The following KIAA0825 variants were observed in gnomAD, a reference collection of about 807,000 sequenced individuals.
KIAA0825 encodes the protein KIAA0825.
Under a neutral mutation model 147.6 loss-of-function variants are expected in KIAA0825, and 119 were observed. That is an observed-to-expected ratio of 0.81 (90% confidence interval 0.69 to 0.94). The LOEUF (loss-of-function observed/expected upper bound fraction) is 0.94. KIAA0825 is among the 40% of genes least tolerant of loss of function. The probability of loss-of-function intolerance (pLI) is 0.00; values close to 1 mark genes in which losing one functional copy is unlikely to be tolerated. For synonymous variants in KIAA0825, 470 were observed against 518.1 expected (o/e 0.91, Z 1.26); for missense variants, 1,381 against 1,472.7 (o/e 0.94, Z 1.02).
At chr5:94,419,508 A>G (rs1340230922) in intron 14 of KIAA0825, among the ~76,000 whole-genome samples, 2 of 152,116 alleles carry the variant, frequency 1.3e-5, no homozygotes, top group Non-Finnish European at 2.9e-5. Flanking sequence ...CATCTGTTCT[A>G]CCCAGTAGAG....
chr5:94,465,225 A>C (rs1019518091), intron 10 of KIAA0825, among the ~76,000 whole-genome samples, 166 bp from the exon 11 acceptor site: 5 of 152,230 alleles, frequency 3.3e-5, no homozygotes, highest in Non-Finnish European at 5.9e-5. Context: ...CTTATTGACA[A>C]AGGAACAGAT....
At chr5:94,353,456 T>C (rs1164364580) in intron 20 of KIAA0825, among the ~76,000 whole-genome samples, 2 of 152,186 alleles carry the variant, frequency 1.3e-5, no homozygotes, top group African/African-American at 4.8e-5. Context: ...TAGATGTATT[T>C]AAATGCAGGT....
At chr5:94,526,505 C>T (rs1171897970) in intron 3 of KIAA0825, among the ~76,000 whole-genome samples, 1 of 151,886 alleles carries the variant, frequency 6.6e-6, no homozygotes, top group Admixed American at 6.6e-5. Context: ...CCCAATGTGC[C>T]TTAATTATAA....
At chr5:94,564,537 AGTGTGTGTGTGTGT>A (rs56256662) in intron 2 of KIAA0825, among the ~76,000 whole-genome samples, 9,888 of 32,748 alleles carry the variant, frequency 0.3, 2,082 homozygotes, top group South Asian at 0.41. Flanking sequence ...CTTATTTTTG[AGTGTGTGTGTGTGT>A]GTGTGTGTGT....
intron 5 of KIAA0825, chr5:94,519,687 T>C (rs1584759186): frequency 4.2e-6 from 3 of 716,422 alleles, no homozygotes; most frequent in Non-Finnish European, 3.4e-6. Flanking sequence ...ATTATTAGAA[T>C]TGACTGACTA....
chr5:94,514,090 G>C (rs1766874890), intron 5 of KIAA0825, among the ~76,000 whole-genome samples: 1 of 152,052 alleles, frequency 6.6e-6, no homozygotes, highest in Non-Finnish European at 1.5e-5. Context: ...AAATATAGAT[G>C]CATCTTGCAA....
intron 9 of KIAA0825, 32 bp downstream of exon 9, chr5:94,471,434 G>A (rs1346991308): frequency 2.1e-5 from 32 of 1,541,342 alleles, no homozygotes; most frequent in African/African-American, 2.1e-4. Context: ...TTCTTTAAGC[G>A]TGGCCATCAT....
chr5:94,495,887 T>C (rs1420999061), intron 5 of KIAA0825, among the ~76,000 whole-genome samples: 1 of 152,266 alleles, frequency 6.6e-6, no homozygotes, highest in Admixed American at 6.5e-5. Flanking sequence ...AACTTAGTTT[T>C]TATTTGAGTA....
rs183264827 is a variant in KIAA0825, at chr5:94,572,123, A to G, written c.-2+10310T>C. On this transcript the variant is annotated intron_variant, in intron 2 of 20. Transcript: ENST00000682413. ...CTTAAAAAAAAAAAAAAGCCCCACA[A>G]AAAAACCAAGTTTGGACTATATTCA... Among the ~76,000 whole-genome samples the G allele has an allele frequency of 4.9e-3, 738 of 151,770 alleles. 5 individuals are homozygous for G. Among genetic ancestry groups the G allele is most frequent in the Middle Eastern group, 0.024 (7 of 294 alleles).
intron 20 of KIAA0825, among the ~76,000 whole-genome samples, chr5:94,177,463 C>T (rs896002900): frequency 1.3e-5 from 2 of 151,948 alleles, no homozygotes; most frequent in Non-Finnish European, 2.9e-5. Context: ...CCTGAGAGAT[C>T]TAAAAATTGA....
At chr5:94,346,641 G>A (rs1188091773) in intron 20 of KIAA0825, among the ~76,000 whole-genome samples, 3 of 152,170 alleles carry the variant, frequency 2.0e-5, no homozygotes, top group African/African-American at 7.2e-5. Context: ...GAAATACAGG[G>A]GTAGACGAAG....
intron 20 of KIAA0825, among the ~76,000 whole-genome samples, chr5:94,296,682 C>T (rs1277989014): frequency 5.9e-5 from 9 of 152,230 alleles, no homozygotes; most frequent in Admixed American, 1.3e-4. Context: ...TTGCACTTCC[C>T]GGGTGAGGGG....
rs530223374 is a variant in KIAA0825, at chr5:94,402,414, T to C, written c.2887+1155A>G. Among the ~76,000 whole-genome samples, 14 of 152,062 alleles carry C rather than the reference T, an allele frequency of 9.2e-5. No homozygotes were observed. In the South Asian group the frequency reaches 2.5e-3, roughly 27 times the overall value. ...AACAAAGGAGAGATGGCAACAACTC[T>C]TAGAAAAGAAAGAACTTAAGTAATG... On this transcript the variant is annotated intron_variant, in intron 16 of 20. Transcript: ENST00000682413.
At chr5:94,346,836 A>G (rs532464713) in intron 20 of KIAA0825, among the ~76,000 whole-genome samples, 2 of 152,226 alleles carry the variant, frequency 1.3e-5, no homozygotes, top group South Asian at 4.2e-4. Context: ...GGAGGGCACA[A>G]ATCCAGCGTG....
At chr5:94,315,635 G>A (rs1726487026) in intron 20 of KIAA0825, among the ~76,000 whole-genome samples, 1 of 151,672 alleles carries the variant, frequency 6.6e-6, no homozygotes, top group African/African-American at 2.4e-5. Context: ...ACTTCATTAT[G>A]TGACATAAAT....
chr5:94,367,639 T>A (rs1281169122), intron 20 of KIAA0825, among the ~76,000 whole-genome samples: 1 of 152,226 alleles, frequency 6.6e-6, no homozygotes, highest in Non-Finnish European at 1.5e-5. Flanking sequence ...AAGGATGCCT[T>A]GACATTGGGA....
rs981381363 is a variant in KIAA0825, at chr5:94,346,647, C to T, written c.3710+37721G>A. Among the ~76,000 whole-genome samples, 5 of 152,122 alleles carry T rather than the reference C, an allele frequency of 3.3e-5. No individual in the cohort carries two copies. The South Asian group carries it at 6.2e-4, about 19-fold the overall frequency. On this transcript the variant is annotated intron_variant, in intron 20 of 20. Coordinates refer to ENST00000682413, the MANE Select transcript of KIAA0825 (RefSeq NM_001145678.3). ...GAGCCGAGCGAAATACAGGGGTAGA[C>T]GAAGCAGCAGAAAGGCCCTGGGAGC...
intron 15 of KIAA0825, chr5:94,414,551 C>T (rs934552326): frequency 6.6e-6 from 1 of 152,138 alleles, no homozygotes; most frequent in Admixed American, 6.5e-5. Flanking sequence ...CCCTCCCTAG[C>T]TTATGTCCAG....
At chr5:94,502,239 C>A (rs1230121917) in intron 5 of KIAA0825, among the ~76,000 whole-genome samples, 2 of 151,976 alleles carry the variant, frequency 1.3e-5, no homozygotes, top group Admixed American at 6.6e-5. Flanking sequence ...GTTTATATAA[C>A]AATGGGCATA....
Sources: gnomAD v4.1 joint callset for allele counts (sites outside exome capture counted in the v4.1 genomes callset) on GRCh38, gnomAD v4.1.1 for gene constraint, MANE v1.5 for transcripts, NCBI Gene and HGNC (gene_info 2026-07-23, HGNC 2026-07-21) for gene names.